Variants in RBFOX1 observed in about 807,000 individuals in gnomAD.
RBFOX1 encodes the protein RNA binding fox-1 homolog 1.
A neutral mutation model predicts 57.7 loss-of-function variants in RBFOX1; 8 were observed. That is an observed-to-expected ratio of 0.14 (90% CI 0.08 to 0.25). RBFOX1 has a LOEUF of 0.25. Among genes scored for constraint, RBFOX1 ranks in the 10% least tolerant of loss-of-function variants. The pLI is 1.00. For synonymous variants in RBFOX1, 326 were observed against 222.4 expected (o/e 1.47, Z -4.15); for missense variants, 611 against 548.5 (o/e 1.11, Z -1.14).
intron 4 of RBFOX1, among the ~76,000 whole-genome samples, chr16:7,296,188 T>C (rs932797036): frequency 6.6e-6 from 1 of 151,840 alleles, no homozygotes; most frequent in Admixed American, 6.6e-5. Flanking sequence ...AAGGGCAATT[T>C]AGTGAAAATT....
intron 1 of RBFOX1, among the ~76,000 whole-genome samples, chr16:6,239,651 C>T (rs1473827624): frequency 6.6e-6 from 1 of 151,856 alleles, no homozygotes; most frequent in Admixed American, 6.6e-5. Context: ...GCACCCACCA[C>T]CATGTCCAGC....
chr16:7,384,785 G>A (rs561361874), intron 4 of RBFOX1, among the ~76,000 whole-genome samples: 73 of 152,298 alleles, frequency 4.8e-4, no homozygotes, highest in Non-Finnish European at 9.3e-4. Context: ...CTTCTCAGCC[G>A]CTGGGTATTC....
chr16:6,452,334 C>T (rs553251241), intron 2 of RBFOX1, among the ~76,000 whole-genome samples: 26 of 152,094 alleles, frequency 1.7e-4, no homozygotes, highest in African/African-American at 4.8e-4. Context: ...TCCCTTCCTT[C>T]CATGGCTCCA....
At chr16:5,297,141 C>T (rs1350220787) in intron 1 of RBFOX1, among the ~76,000 whole-genome samples, 1 of 152,108 alleles carries the variant, frequency 6.6e-6, no homozygotes, top group East Asian at 1.9e-4. Context: ...GTATATATTC[C>T]TTATCCATTT....
At chr16:5,789,915 A>T (rs899409402) in intron 3 of RBFOX1, among the ~76,000 whole-genome samples, 5 of 152,176 alleles carry the variant, frequency 3.3e-5, no homozygotes, top group Non-Finnish European at 7.3e-5. Flanking sequence ...CCTGCAGTGT[A>T]TGGGCTGTGC....
At chr16:7,544,286 G>C (rs1444295397) in intron 5 of RBFOX1, among the ~76,000 whole-genome samples, 1 of 152,194 alleles carries the variant, frequency 6.6e-6, no homozygotes. Context: ...TTGTGTGTCT[G>C]ATTACTTACT....
chr16:6,011,724 C>T (rs1199391379), intron 4 of RBFOX1, among the ~76,000 whole-genome samples: 1 of 152,198 alleles, frequency 6.6e-6, no homozygotes, highest in Admixed American at 6.5e-5. Flanking sequence ...AATTTACCAT[C>T]CATCAGTGAG....
chr16:7,264,053 C>T (rs190111111), intron 4 of RBFOX1, among the ~76,000 whole-genome samples: 6 of 152,074 alleles, frequency 3.9e-5, no homozygotes, highest in Admixed American at 3.3e-4. Context: ...AGACACTTTG[C>T]TTTTAGCATT....
chr16:7,530,586 G>A (rs762715900), intron 5 of RBFOX1, among the ~76,000 whole-genome samples: 2 of 151,966 alleles, frequency 1.3e-5, no homozygotes, highest in Non-Finnish European at 2.9e-5. Flanking sequence ...TGTGAATTCA[G>A]CAATGTCATG....
In RBFOX1 at chr16:7,449,811, A is replaced by G. The variant is rs372664683; in HGVS notation, c.28-68336A>G. Reference sequence around the variant, plus strand: ...AGAAAACACTGCTTCTGTGACATAAAGAGAACACCTTCACAGGGTAAAGTG... The same window carrying G: ...AGAAAACACTGCTTCTGTGACATAAGGAGAACACCTTCACAGGGTAAAGTG... On this transcript the variant is annotated intron_variant, in intron 4 of 15. Transcript: ENST00000550418. 1.1e-4 allele frequency among the ~76,000 whole-genome samples: 17 copies of G among 152,096 alleles called. No individual in the cohort carries two copies. In the East Asian group the frequency reaches 2.3e-3, roughly 21 times the overall value.
intron 3 of RBFOX1, among the ~76,000 whole-genome samples, chr16:5,719,379 T>G (rs1378057763): frequency 1.3e-5 from 2 of 151,558 alleles, no homozygotes; most frequent in Non-Finnish European, 2.9e-5. Flanking sequence ...TTTTTTTTTT[T>G]TTTTGTATTT....
chr16:6,667,418 G>A (rs192079860), intron 3 of RBFOX1, among the ~76,000 whole-genome samples: 10 of 152,228 alleles, frequency 6.6e-5, no homozygotes, highest in African/African-American at 1.9e-4. Flanking sequence ...AAAAGGCCTG[G>A]CTTTGAACCC....
chr16:7,529,278 G>A (rs116632261), intron 5 of RBFOX1, among the ~76,000 whole-genome samples: 146 of 152,210 alleles, frequency 9.6e-4, no homozygotes, highest in African/African-American at 3.5e-3. Context: ...ACAACAACAA[G>A]AAGAAAAAGA....
chr16:7,125,025 G>T (rs1362984263), intron 4 of RBFOX1, among the ~76,000 whole-genome samples: 1 of 152,054 alleles, frequency 6.6e-6, no homozygotes, highest in Non-Finnish European at 1.5e-5. Flanking sequence ...GGAAGGAGGG[G>T]GCCGGCTTAT....
intron 4 of RBFOX1, among the ~76,000 whole-genome samples, chr16:7,417,416 C>G (rs1210130732): frequency 1.3e-5 from 2 of 151,598 alleles, no homozygotes; most frequent in Non-Finnish European, 2.9e-5. Flanking sequence ...CCTGTTCCCC[C>G]AGTTTCCCCA....
chr16:6,834,591 A>G (rs2092950860), intron 3 of RBFOX1, among the ~76,000 whole-genome samples: 1 of 152,198 alleles, frequency 6.6e-6, no homozygotes, highest in Admixed American at 6.5e-5. Context: ...AACCTTGCAG[A>G]AACTTGAAGG....
At chr16:6,449,604 A>T (rs527468941) in intron 2 of RBFOX1, among the ~76,000 whole-genome samples, 4 of 152,286 alleles carry the variant, frequency 2.6e-5, no homozygotes, top group African/African-American at 9.6e-5. Flanking sequence ...GGGCACTGGG[A>T]TGTGGAAGGA....
intron 5 of RBFOX1, among the ~76,000 whole-genome samples, chr16:7,578,819 T>C (rs2093530362): frequency 6.6e-6 from 1 of 152,218 alleles, no homozygotes; most frequent in Non-Finnish European, 1.5e-5. Context: ...GTTAAAACTC[T>C]AGAACCGAGA....
rs544453986 is a variant in RBFOX1, at chr16:6,290,235, C to T, written c.-126-26760C>T. Among the ~76,000 whole-genome samples, 5 of 142,546 alleles carry T rather than the reference C, an allele frequency of 3.5e-5. 1 individual carries two copies. Among genetic ancestry groups the T allele is most frequent in the African/African-American group, 1.3e-4 (5 of 38,750 alleles). The allele number at this position is 142,546 out of a possible 152,430, so 93.5% of individuals were successfully genotyped here. A position where few individuals can be genotyped will look rare whatever the true frequency, so the allele number is the denominator to read the frequency against. On this transcript the variant is annotated intron_variant, in intron 1 of 15. Transcript: ENST00000550418. ...ATTGTTGTGAGCATAGCAGTGATGT[C>T]CGTGTGAATAACATGTGCACTAAGA...
Sources: allele counts gnomAD v4.1 joint callset (sites outside exome capture counted in the v4.1 genomes callset), GRCh38; gene constraint gnomAD v4.1.1; transcripts MANE v1.5; gene names NCBI Gene and HGNC (gene_info 2026-07-23, HGNC 2026-07-21).